Variants in LRRC7 observed in about 807,000 individuals in gnomAD.
LRRC7 encodes leucine-rich repeat-containing protein 7.
In LRRC7, 23 loss-of-function variants were observed where a neutral mutation model predicts 175.7. The observed-to-expected ratio is 0.13, with a 90% CI of 0.09 to 0.19. The LOEUF (loss-of-function observed/expected upper bound fraction) is 0.19, where lower values mean the gene tolerates loss of function less well. Ranked by LOEUF, LRRC7 falls within the 10% of genes least tolerant of loss-of-function variation. The probability of loss-of-function intolerance (pLI) is 1.00; values close to 1 mark genes in which losing one functional copy is unlikely to be tolerated. For missense variants in LRRC7, 1,354 were observed against 1,904.7 expected (o/e 0.71, Z 5.38); for synonymous variants, 685 against 680.9 (o/e 1.01, Z -0.09).
At chr1:69,709,767 G>A (rs545038953) in intron 2 of LRRC7, among the ~76,000 whole-genome samples, 1 of 152,270 alleles carries the variant, frequency 6.6e-6, no homozygotes, top group Non-Finnish European at 1.5e-5. Flanking sequence ...TTTCAGAAAT[G>A]CATAAGAAAT....
chr1:69,604,219 C>G (rs1315277707), intron 1 of LRRC7, among the ~76,000 whole-genome samples: 1 of 152,090 alleles, frequency 6.6e-6, no homozygotes, highest in African/African-American at 2.4e-5. Flanking sequence ...CCAAACCTCT[C>G]AAAAATTGTA....
intron 7 of LRRC7, chr1:69,839,001 T>G: frequency 4.0e-6 from 1 of 247,320 alleles, no homozygotes; most frequent in Non-Finnish European, 8.3e-6. Flanking sequence ...CTTGTATATG[T>G]TATGATGAAA....
At chr1:70,108,932 A>G (rs551229615) in intron 26 of LRRC7, among the ~76,000 whole-genome samples, 1 of 152,344 alleles carries the variant, frequency 6.6e-6, no homozygotes, top group African/African-American at 2.4e-5. Context: ...GATTGCTTTA[A>G]CATTTCATTC....
At position 70,036,127 on chromosome 1, in the gene LRRC7, T is replaced by C; in HGVS notation, c.2002T>C (p.Phe668Leu). ...GTATTATTATATCTCTCAGGATTCT[T>C]TTGTTCATCCAGCTAATGAAATGAG... ...APKEITVEDS[F>L]VHPANEMRIG... is the part of the protein sequence containing the mutation. The change falls in exon 19 of 27, where the codon TTT (phenylalanine) becomes CTT (leucine). Residue 668 changes from phenylalanine (F) to leucine (L), a missense_variant. Around this residue, in one of 4 missense-constraint regions of LRRC7, gnomAD observed 1,032 missense variants for 1,227.2 expected, o/e 0.84. Coordinates refer to ENST00000651989, the MANE Select transcript of LRRC7 (RefSeq NM_001370785.2). 1.2e-6 allele frequency: 2 copies of C among 1,609,496 alleles called. No homozygotes were observed. Among genetic ancestry groups the C allele is most frequent in the Non-Finnish European group, 1.7e-6 (2 of 1,177,944 alleles).
Position 70,137,826 on chromosome 1 carries a change from T to C in LRRC7, c.*15939T>C, listed in dbSNP as rs1666929405. ...CAGCCTCTCTAAGCACTAAGAAGTA[T>C]AGCCATCTAAATCCTTACAACTTAT... On this transcript the variant is annotated 3_prime_UTR_variant, in exon 27 of 27. Coordinates refer to ENST00000651989, the MANE Select transcript of LRRC7 (RefSeq NM_001370785.2). Among the ~76,000 whole-genome samples the C allele has an allele frequency of 6.6e-6, 1 of 152,244 alleles. No individual in the cohort carries two copies. Among genetic ancestry groups the C allele is most frequent in the South Asian group, 2.1e-4 (1 of 4,838 alleles).
At chr1:69,763,289 C>G (rs986782713) in intron 3 of LRRC7, among the ~76,000 whole-genome samples, 14 of 151,998 alleles carry the variant, frequency 9.2e-5, no homozygotes, top group Admixed American at 2.0e-4. Flanking sequence ...TGACTTTTCT[C>G]ATGGTAGCAG....
chr1:69,818,081 T>C (rs1280901819), intron 4 of LRRC7, among the ~76,000 whole-genome samples: 3 of 152,134 alleles, frequency 2.0e-5, no homozygotes. Flanking sequence ...TCAGCTTTCC[T>C]TTCTGACTTA....
intron 2 of LRRC7, among the ~76,000 whole-genome samples, chr1:69,700,802 AC>A (rs1663246005): frequency 6.6e-6 from 1 of 152,186 alleles, no homozygotes; most frequent in South Asian, 2.1e-4. Context: ...GTTTGAAATT[AC>A]TATGTCCCCA....
intron 8 of LRRC7, among the ~76,000 whole-genome samples, chr1:69,971,906 A>T (rs962645226): frequency 6.6e-6 from 1 of 152,238 alleles, no homozygotes; most frequent in African/African-American, 2.4e-5. Context: ...ACAGAATGGT[A>T]CTGGCATAAA....
At chr1:69,579,602 G>T (rs1245063) in intron 1 of LRRC7, among the ~76,000 whole-genome samples, 19,784 of 152,076 alleles carry the variant, frequency 0.13, 1,624 homozygotes, top group South Asian at 0.18. Context: ...GATGCATGTT[G>T]TGTGAATGAC....
At chr1:70,005,983 G>C (rs771982643) in intron 11 of LRRC7, among the ~76,000 whole-genome samples, 3 of 151,588 alleles carry the variant, frequency 2.0e-5, no homozygotes, top group Non-Finnish European at 2.9e-5. Context: ...GGTAACCTTT[G>C]GTCTTTTTTT....
intron 7 of LRRC7, among the ~76,000 whole-genome samples, chr1:69,927,307 A>G (rs1647111724): frequency 6.6e-6 from 1 of 151,856 alleles, no homozygotes; most frequent in Non-Finnish European, 1.5e-5. Flanking sequence ...CTTCTTGGGG[A>G]GTATCTTTGT....
chr1:69,705,824 A>G (rs982884162), intron 2 of LRRC7, among the ~76,000 whole-genome samples: 2 of 152,126 alleles, frequency 1.3e-5, no homozygotes. Context: ...GACCAGAATG[A>G]CCTCTAATTT....
intron 7 of LRRC7, among the ~76,000 whole-genome samples, chr1:69,925,012 G>T (rs1330594197): frequency 1.3e-5 from 2 of 152,058 alleles, no homozygotes; most frequent in African/African-American, 4.8e-5. Flanking sequence ...AGCATGAAGG[G>T]TTGTTGAATT....
chr1:69,861,660 A>G (rs1489121896), intron 7 of LRRC7, among the ~76,000 whole-genome samples: 1 of 152,216 alleles, frequency 6.6e-6, no homozygotes, highest in Non-Finnish European at 1.5e-5. Context: ...GCTAGGGAAT[A>G]AAGTGTTAAG....
chr1:69,956,287 T>C (rs1046587208), intron 8 of LRRC7, among the ~76,000 whole-genome samples: 6 of 152,070 alleles, frequency 3.9e-5, no homozygotes, highest in Admixed American at 2.6e-4. Flanking sequence ...ATCAACATTT[T>C]GTCTGAGATA....
chr1:69,822,356 G>C (rs547307520), intron 4 of LRRC7, among the ~76,000 whole-genome samples: 1 of 152,310 alleles, frequency 6.6e-6, no homozygotes, highest in African/African-American at 2.4e-5. Context: ...GTTATAGAAG[G>C]GAGGCTGAAA....
intron 7 of LRRC7, among the ~76,000 whole-genome samples, chr1:69,907,503 C>T (rs1264996839): frequency 1.3e-5 from 2 of 152,184 alleles, no homozygotes; most frequent in African/African-American, 4.8e-5. Flanking sequence ...GCCTTTTCTG[C>T]ATCTGTTGAG....
chr1:69,624,188 G>T (rs1393231604), intron 1 of LRRC7, among the ~76,000 whole-genome samples: 1 of 152,104 alleles, frequency 6.6e-6, no homozygotes, highest in Non-Finnish European at 1.5e-5. Context: ...ATGCATAATA[G>T]TACTATTAGT....
Sources: gnomAD v4.1 joint callset for allele counts (sites outside exome capture counted in the v4.1 genomes callset) on GRCh38, gnomAD v4.1.1 for gene constraint, gnomAD v4.1.1 regional missense constraint, MANE v1.5 for transcripts, NCBI Gene and HGNC (gene_info 2026-07-23, HGNC 2026-07-21) for gene names.